The following ADAMTS3 variants were observed in gnomAD, a reference collection of about 807,000 sequenced individuals.
ADAMTS3 encodes A disintegrin and metalloproteinase with thrombospondin motifs 3.
A neutral mutation model predicts 129.0 loss-of-function variants in ADAMTS3; 73 were observed. The ratio of observed to expected loss-of-function variants is 0.57; its 90% confidence interval spans 0.47 to 0.69. The LOEUF (loss-of-function observed/expected upper bound fraction) is 0.69, where lower values mean the gene tolerates loss of function less well. Among genes scored for constraint, ADAMTS3 ranks in the 30% least tolerant of loss-of-function variants. The probability of loss-of-function intolerance (pLI) is 0.00; values close to 1 mark genes in which losing one functional copy is unlikely to be tolerated. For missense variants in ADAMTS3, 1,457 were observed against 1,514.5 expected (o/e 0.96, Z 0.63); for synonymous variants, 477 against 510.8 (o/e 0.93, Z 0.89).
Position 72,283,158 on chromosome 4 carries a change from C to T in ADAMTS3, c.3596G>A (p.Arg1199Lys). The T allele has an allele frequency of 6.2e-7, 1 of 1,609,260 alleles. No individual in the cohort carries two copies. Among genetic ancestry groups the T allele is most frequent in the African/African-American group, 1.3e-5 (1 of 74,800 alleles). ...GKIIDNRRPT[R>K]SSTLER ...TTCTCATCTTTCTAAGGTGGATGAT[C>T]TTGTCGGACGTCTGTTGTCAATGAT... Residue 1199 changes from arginine (R) to lysine (K), a missense_variant, in exon 22 of 22, where the codon AGA becomes AAA. Arg to Lys is a conservative substitution (Grantham distance 26). Coordinates refer to ENST00000286657, the MANE Select transcript of ADAMTS3 (RefSeq NM_014243.3).
chr4:72,331,174 A>G (rs969808379), intron 5 of ADAMTS3, among the ~76,000 whole-genome samples: 3 of 152,188 alleles, frequency 2.0e-5, no homozygotes, highest in African/African-American at 7.2e-5. Flanking sequence ...TTAAGGTAAC[A>G]TGTGATGTGG....
chr4:72,530,475 A>AATATACAAATATATAAAAAT (rs1720986109), intron 3 of ADAMTS3, among the ~76,000 whole-genome samples: 1 of 81,632 alleles, frequency 1.2e-5, no homozygotes, highest in African/African-American at 5.0e-5. Context: ...ATATTAATTT[A>AATATACAAATATATAAAAAT]ATATATAAAT....
rs913812699 is a variant in ADAMTS3 at position 72,555,834 on chromosome 4, G to A, written c.98-6950C>T. On this transcript the variant is annotated intron_variant, in intron 2 of 21. Transcript: ENST00000286657. Reference sequence around the variant, plus strand: ...TAGTGAATGAGTTCTCATGAGATATGGTTGTTTAAAGGTGTGTAGTACTTT... The same window carrying A: ...TAGTGAATGAGTTCTCATGAGATATAGTTGTTTAAAGGTGTGTAGTACTTT... 4.6e-5 allele frequency among the ~76,000 whole-genome samples: 7 copies of A among 151,360 alleles called. 1 individual carries two copies. The highest frequency in any genetic ancestry group is 1.7e-4 in the African/African-American group (7 of 40,772).
intron 3 of ADAMTS3, among the ~76,000 whole-genome samples, chr4:72,538,856 T>G (rs59911262): frequency 0.011 from 1,749 of 152,166 alleles, 34 homozygotes; most frequent in African/African-American, 0.04. Context: ...CAGAAATAAA[T>G]TGTTGCATAT....
intron 3 of ADAMTS3, among the ~76,000 whole-genome samples, chr4:72,496,536 T>C (rs1719877416): frequency 6.6e-6 from 1 of 152,118 alleles, no homozygotes; most frequent in Non-Finnish European, 1.5e-5. Context: ...GGCATAGGTA[T>C]ATAAAAGTGT....
chr4:72,401,073 G>C (rs548370989), intron 4 of ADAMTS3, among the ~76,000 whole-genome samples: 3 of 151,562 alleles, frequency 2.0e-5, no homozygotes, highest in Admixed American at 2.0e-4. Context: ...AAAAATAAAA[G>C]TTCAGTTCAT....
At chr4:72,332,532 T>C (rs76748920) in intron 5 of ADAMTS3, among the ~76,000 whole-genome samples, 5,641 of 152,248 alleles carry the variant, frequency 0.037, 346 homozygotes, top group African/African-American at 0.13. Flanking sequence ...CTGGGAGGCA[T>C]TCTTTTAAAT....
At chr4:72,359,404 A>T (rs1720663037) in intron 4 of ADAMTS3, among the ~76,000 whole-genome samples, 3 of 152,060 alleles carry the variant, frequency 2.0e-5, no homozygotes, top group African/African-American at 7.2e-5. Flanking sequence ...GATATAGTGT[A>T]TAGTAATTCA....
At chr4:72,467,555 A>C (rs906297404) in intron 3 of ADAMTS3, among the ~76,000 whole-genome samples, 5 of 151,868 alleles carry the variant, frequency 3.3e-5, no homozygotes, top group Non-Finnish European at 7.4e-5. Context: ...ATACTCTTAC[A>C]ATTTAAAAGT....
At chr4:72,427,453 G>C (rs759656579) in intron 3 of ADAMTS3, among the ~76,000 whole-genome samples, 7 of 152,004 alleles carry the variant, frequency 4.6e-5, no homozygotes, top group Non-Finnish European at 8.8e-5. Context: ...TATGTTGGAG[G>C]TTCTCAGGTA....
intron 19 of ADAMTS3, among the ~76,000 whole-genome samples, chr4:72,295,250 G>C (rs1275923205): frequency 6.6e-6 from 1 of 152,006 alleles, no homozygotes; most frequent in Non-Finnish European, 1.5e-5. Flanking sequence ...TCAGTAATGG[G>C]AGTAGCAGGG....
At chr4:72,474,030 T>C (rs963086818) in intron 3 of ADAMTS3, among the ~76,000 whole-genome samples, 2 of 152,190 alleles carry the variant, frequency 1.3e-5, no homozygotes, top group African/African-American at 2.4e-5. Context: ...AACTTTTATC[T>C]ACACCTGGCA....
At chr4:72,404,152 G>A (rs775373131) in intron 4 of ADAMTS3, among the ~76,000 whole-genome samples, 1 of 151,960 alleles carries the variant, frequency 6.6e-6, no homozygotes, top group Non-Finnish European at 1.5e-5. Flanking sequence ...CATTTTTTAC[G>A]GACATAGAAA....
chr4:72,411,682 T>C (rs986398546), intron 4 of ADAMTS3, among the ~76,000 whole-genome samples: 2 of 152,144 alleles, frequency 1.3e-5, no homozygotes, highest in African/African-American at 4.8e-5. Flanking sequence ...CTCAGTGTTC[T>C]AAAAGATCAT....
intron 4 of ADAMTS3, among the ~76,000 whole-genome samples, chr4:72,378,505 T>C (rs565236258): frequency 3.2e-4 from 49 of 152,284 alleles, no homozygotes; most frequent in African/African-American, 9.6e-4. Flanking sequence ...TACAGCCACA[T>C]GAAACCATCT....
chr4:72,392,890 T>C (rs936487639), intron 4 of ADAMTS3, among the ~76,000 whole-genome samples: 7 of 150,872 alleles, frequency 4.6e-5, no homozygotes, highest in Non-Finnish European at 1.0e-4. Context: ...AGAGTATGAG[T>C]AAAAAAAATT....
At chr4:72,559,502 T>G (rs1368329502) in intron 2 of ADAMTS3, among the ~76,000 whole-genome samples, 4 of 151,770 alleles carry the variant, frequency 2.6e-5, no homozygotes, top group Non-Finnish European at 5.9e-5. Context: ...TGTCACATGG[T>G]GAGCTGACTG....
At chr4:72,321,613 T>C (rs371153246) in intron 6 of ADAMTS3, among the ~76,000 whole-genome samples, 2 of 152,170 alleles carry the variant, frequency 1.3e-5, no homozygotes, top group African/African-American at 4.8e-5. Flanking sequence ...TTTCCAGAGA[T>C]GTGAAGGTAT....
At chr4:72,446,695 GCTCT>G (rs1718261616) in intron 3 of ADAMTS3, among the ~76,000 whole-genome samples, 1 of 151,634 alleles carries the variant, frequency 6.6e-6, no homozygotes, top group Non-Finnish European at 1.5e-5. Flanking sequence ...ACAAACTATA[GCTCT>G]CTAACAATAT....
Sources: allele counts gnomAD v4.1 joint callset (sites outside exome capture counted in the v4.1 genomes callset), GRCh38; gene constraint gnomAD v4.1.1; transcripts MANE v1.5; gene names NCBI Gene and HGNC (gene_info 2026-07-23, HGNC 2026-07-21).